FTO: variants seen among roughly 807,000 people sequenced by gnomAD.
FTO encodes alpha-ketoglutarate-dependent dioxygenase FTO.
Under a neutral mutation model 63.9 loss-of-function variants are expected in FTO, and 47 were observed. The ratio of observed to expected loss-of-function variants is 0.74; its 90% confidence interval spans 0.58 to 0.94. The LOEUF is 0.94. FTO is among the 40% of genes least tolerant of loss of function. The pLI is 0.00. For synonymous variants in FTO, 207 were observed against 224.4 expected (o/e 0.92, Z 0.69); for missense variants, 562 against 618.1 (o/e 0.91, Z 0.96).
intron 8 of FTO, among the ~76,000 whole-genome samples, chr16:54,088,183 A>G (rs2086290466): frequency 6.6e-6 from 1 of 152,220 alleles, no homozygotes; most frequent in Admixed American, 6.5e-5. Flanking sequence ...TCCAACGACA[A>G]ACATATGTTT....
intron 8 of FTO, among the ~76,000 whole-genome samples, chr16:54,087,304 G>A (rs1315346427): frequency 6.6e-6 from 1 of 152,194 alleles, no homozygotes; most frequent in African/African-American, 2.4e-5. Context: ...ATGTAGATAG[G>A]AAAAAGTCTT....
intron 8 of FTO, among the ~76,000 whole-genome samples, chr16:53,976,055 A>T (rs1354545966): frequency 2.0e-5 from 3 of 152,164 alleles, no homozygotes; most frequent in African/African-American, 7.2e-5. Context: ...ACCCCAGTGT[A>T]GTGCTTTTCA....
intron 8 of FTO, among the ~76,000 whole-genome samples, chr16:54,009,983 A>C (rs1378234109): frequency 1.3e-5 from 2 of 152,246 alleles, no homozygotes; most frequent in Non-Finnish European, 2.9e-5. Flanking sequence ...ACTGGAGTCT[A>C]TTTTTGACTG....
At chr16:54,104,996 A>G (rs1449253998) in intron 8 of FTO, among the ~76,000 whole-genome samples, 1 of 152,232 alleles carries the variant, frequency 6.6e-6, no homozygotes, top group Non-Finnish European at 1.5e-5. Context: ...GGTAGTTTAC[A>G]TATTTTAGAG....
At chr16:53,778,266 C>CT (rs1057016689) in intron 1 of FTO, among the ~76,000 whole-genome samples, 1 of 152,120 alleles carries the variant, frequency 6.6e-6, no homozygotes, top group Admixed American at 6.5e-5. Flanking sequence ...ATTTTAAATG[C>CT]TTTCACCACA....
At chr16:53,958,215 T>G (rs2082975097) in intron 8 of FTO, among the ~76,000 whole-genome samples, 3 of 152,208 alleles carry the variant, frequency 2.0e-5, no homozygotes, top group African/African-American at 7.2e-5. Flanking sequence ...TCGGCCCACT[T>G]AGAGAAGGTT....
At chr16:53,761,636 T>G (rs1308389225) in intron 1 of FTO, among the ~76,000 whole-genome samples, 1 of 152,168 alleles carries the variant, frequency 6.6e-6, no homozygotes, top group East Asian at 1.9e-4. Context: ...TCACGGAAAT[T>G]GGTTTGTTTC....
intron 8 of FTO, among the ~76,000 whole-genome samples, chr16:53,968,275 A>C (rs1002524190): frequency 1.3e-5 from 2 of 152,160 alleles, no homozygotes; most frequent in African/African-American, 4.8e-5. Context: ...TGTGTTGCAA[A>C]ACATCACAGT....
intron 3 of FTO, among the ~76,000 whole-genome samples, chr16:53,838,500 G>A (rs1362921501): frequency 6.6e-6 from 1 of 151,008 alleles, no homozygotes; most frequent in African/African-American, 2.4e-5. Context: ...TAGTAGAGAC[G>A]GGATTTCACC....
At chr16:53,747,757 G>T (rs1345440481) in intron 1 of FTO, among the ~76,000 whole-genome samples, 1 of 152,068 alleles carries the variant, frequency 6.6e-6, no homozygotes, top group Non-Finnish European at 1.5e-5. Context: ...ATGTCCTGTA[G>T]TTTATCTACT....
intron 1 of FTO, among the ~76,000 whole-genome samples, chr16:53,765,867 T>G (rs1425802511): frequency 6.6e-6 from 1 of 152,152 alleles, no homozygotes; most frequent in Non-Finnish European, 1.5e-5. Context: ...GACTTTAGAC[T>G]GCGGTAGATT....
In FTO at chr16:53,997,590, G is replaced by A. The variant is rs963386500; in HGVS notation, c.1364+63481G>A. Among the ~76,000 whole-genome samples the A allele has an allele frequency of 5.9e-4, 90 of 152,004 alleles. 1 individual carries two copies. The highest frequency in any genetic ancestry group is 1.2e-3 in the Non-Finnish European group (79 of 67,964). The stretch of plus-strand genomic sequence containing the variant: ...AGGGGCGGGGCGGGGTGGGAGTGGG[G>A]GGGTGGTGCAGTATACAAAACAGAG... On this transcript the variant is annotated intron_variant, in intron 8 of 8. Coordinates refer to ENST00000471389, the MANE Select transcript of FTO (RefSeq NM_001080432.3).
At chr16:53,839,636 G>A (rs1268127814) in intron 3 of FTO, among the ~76,000 whole-genome samples, 1 of 152,096 alleles carries the variant, frequency 6.6e-6, no homozygotes, top group Non-Finnish European at 1.5e-5. Flanking sequence ...AGAAGGGAAA[G>A]TAGTCAAGCA....
intron 6 of FTO, 143 bp downstream of exon 6, chr16:53,880,130 G>T (rs1236968210): frequency 1.5e-5 from 10 of 645,440 alleles, no homozygotes; most frequent in Non-Finnish European, 2.4e-5. Flanking sequence ...GAATAGGTGG[G>T]ACTACAGGTG....
intron 1 of FTO, among the ~76,000 whole-genome samples, chr16:53,752,559 A>G (rs908584139): frequency 6.6e-6 from 1 of 152,214 alleles, no homozygotes; most frequent in Non-Finnish European, 1.5e-5. Context: ...TAAAATTAAA[A>G]AAGTTGACTC....
At chr16:53,976,412 A>G (rs1474020536) in intron 8 of FTO, among the ~76,000 whole-genome samples, 1 of 152,118 alleles carries the variant, frequency 6.6e-6, no homozygotes, top group Non-Finnish European at 1.5e-5. Context: ...TGATTTGAAA[A>G]GACACTTTTA....
chr16:53,724,305 C>G (rs1298420596), intron 1 of FTO, among the ~76,000 whole-genome samples: 1 of 152,144 alleles, frequency 6.6e-6, no homozygotes, highest in African/African-American at 2.4e-5. Context: ...ATCTCCTTTC[C>G]CCAGGGTCAC....
At chr16:53,907,210 A>G (rs1215124356) in intron 7 of FTO, among the ~76,000 whole-genome samples, 1 of 152,210 alleles carries the variant, frequency 6.6e-6, no homozygotes. Context: ...TTGAAATTGC[A>G]TTCAATATAC....
chr16:53,972,434 C>T (rs1599120461), intron 8 of FTO, among the ~76,000 whole-genome samples: 2 of 152,152 alleles, frequency 1.3e-5, no homozygotes, highest in East Asian at 3.9e-4. Context: ...AGTTGCTTCT[C>T]TTCAACTCAG....
Sources: allele counts gnomAD v4.1 joint callset (sites outside exome capture counted in the v4.1 genomes callset), GRCh38; gene constraint gnomAD v4.1.1; transcripts MANE v1.5; gene names NCBI Gene and HGNC (gene_info 2026-07-23, HGNC 2026-07-21).